Variants in HAUS1 observed in about 807,000 individuals in gnomAD.
The protein encoded by HAUS1 is HAUS augmin like complex subunit 1, also known as HAUS augmin-like complex subunit 1.
HAUS1 carries 25 observed loss-of-function variants against 38.6 expected under a neutral mutation model. That is an observed-to-expected ratio of 0.65 (90% CI 0.47 to 0.91). The LOEUF (loss-of-function observed/expected upper bound fraction) is 0.91. HAUS1 is among the 40% of genes least tolerant of loss of function. The probability of loss-of-function intolerance (pLI) is 0.00; values close to 1 mark genes in which losing one functional copy is unlikely to be tolerated. For synonymous variants in HAUS1, 109 were observed against 112.9 expected, an observed-to-expected ratio of 0.97 and a Z score of 0.22; for missense variants, 325 against 328.4, an observed-to-expected ratio of 0.99 and a Z score of 0.08.
At chr18:46,123,420 T>C in intron 6 of HAUS1, 56 bp downstream of exon 6, 1 of 1,176,550 alleles carries the variant, frequency 8.5e-7, no homozygotes, top group Non-Finnish European at 1.3e-6. Flanking sequence ...CACAGTCTGC[T>C]TTTTCATTTG....
chr18:46,105,801 G>A (rs1305457537), intron 2 of HAUS1, among the ~76,000 whole-genome samples: 1 of 152,018 alleles, frequency 6.6e-6, no homozygotes, highest in East Asian at 1.9e-4. Context: ...GGCTGGTCTC[G>A]AACTCCTGAC....
chr18:46,109,036 A>C (rs2144245823), intron 2 of HAUS1, among the ~76,000 whole-genome samples: 1 of 148,742 alleles, frequency 6.7e-6, no homozygotes, highest in Non-Finnish European at 1.5e-5. Context: ...GCGCAACTGC[A>C]CTCTAGCCTG....
intron 7 of HAUS1, among the ~76,000 whole-genome samples, 190 bp from the exon 8 acceptor site, chr18:46,125,554 A>AG (rs1912078711): frequency 6.6e-6 from 1 of 151,754 alleles, no homozygotes; most frequent in Non-Finnish European, 1.5e-5. Context: ...CTCAAAAAAA[A>AG]AAAAAAAAGA....
At chr18:46,113,001 T>C (rs1331098950) in intron 2 of HAUS1, among the ~76,000 whole-genome samples, 1 of 124,396 alleles carries the variant, frequency 8.0e-6, no homozygotes. Flanking sequence ...ATATTCCATA[T>C]ATATGGAATA....
At chr18:46,121,526 T>A (rs923233025) in intron 4 of HAUS1, 1 of 151,940 alleles carries the variant, frequency 6.6e-6, no homozygotes, top group Non-Finnish European at 1.5e-5. Context: ...TCACAGTTTA[T>A]TTAGGTTGAA....
At chr18:46,122,818 C>T (rs139970493) in intron 5 of HAUS1, among the ~76,000 whole-genome samples, 25 of 152,254 alleles carry the variant, frequency 1.6e-4, no homozygotes, top group Non-Finnish European at 2.4e-4. Context: ...GTCACAAATG[C>T]GTGAGTGTGG....
intron 2 of HAUS1, among the ~76,000 whole-genome samples, chr18:46,110,690 G>A (rs753239941): frequency 6.6e-6 from 1 of 151,834 alleles, no homozygotes; most frequent in Non-Finnish European, 1.5e-5. Flanking sequence ...CCTAGGCTGT[G>A]CCTTCATTTT....
At position 46,112,986 on chromosome 18, in the gene HAUS1, A is replaced by AATATATATTCCATATATATGGAAT. The variant is rs1420813035; in HGVS notation, c.206-5179_206-5156dup. 2.7e-4 allele frequency among the ~76,000 whole-genome samples: 23 copies of AATATATATTCCATATATATGGAAT among 84,414 alleles called. 1 individual carries two copies. Among genetic ancestry groups the AATATATATTCCATATATATGGAAT allele is most frequent in the South Asian group, 3.6e-4 (1 of 2,792 alleles). The allele number at this position is 84,414 out of a possible 152,430, so 55.4% of individuals were successfully genotyped here. On this transcript the variant is annotated intron_variant, in intron 2 of 8. Transcript: ENST00000282058. ...TGTATATATTCCATATTATATATATAATATATATTCCATATATATGGAATA... is the reference window on the plus strand; with the variant it reads ...TGTATATATTCCATATTATATATATAATATATATTCCATATATATGGAATATATATATTCCATATATATGGAATA...
chr18:46,105,413 C>G, intron 2 of HAUS1, 45 bp downstream of exon 2: 1 of 1,535,926 alleles, frequency 6.5e-7, no homozygotes, highest in Non-Finnish European at 8.9e-7. Context: ...ATAGAGGTAA[C>G]CAAATTTTAT....
chr18:46,104,418 C>T lies in HAUS1; in HGVS notation c.7C>T (p.Pro3Ser). 1 of 1,461,296 alleles carries T rather than the reference C, an allele frequency of 6.8e-7. No homozygotes were observed. Among genetic ancestry groups the T allele is most frequent in the Non-Finnish European group, 9.1e-7 (1 of 1,096,220 alleles). The allele number at this position is 1,461,296 out of a possible 1,614,324, so 90.5% of individuals were successfully genotyped here. A position where few individuals can be genotyped will look rare whatever the true frequency, so the allele number is the denominator to read the frequency against. The change falls in exon 1 of 9, where the codon CCG becomes TCG. Residue 3 changes from proline to serine, a missense_variant. Coordinates refer to ENST00000282058, the MANE Select transcript of HAUS1 (RefSeq NM_138443.4). ...AGTGGCGGGAGCCGCAGCTATGGAGCCGCAGGAGGAGAGAGAAACGCAGGT... is the reference window on the plus strand; with the variant it reads ...AGTGGCGGGAGCCGCAGCTATGGAGTCGCAGGAGGAGAGAGAAACGCAGGT... ME[P>S]QEERETQVAA...
intron 8 of HAUS1, among the ~76,000 whole-genome samples, chr18:46,127,583 T>C (rs1331408656): frequency 6.6e-6 from 1 of 151,740 alleles, no homozygotes; most frequent in African/African-American, 2.4e-5. Flanking sequence ...GGTGGGCGCC[T>C]GTAATCTCAG....
chr18:46,121,926 C>G (rs961952808), intron 4 of HAUS1, among the ~76,000 whole-genome samples: 4 of 152,184 alleles, frequency 2.6e-5, no homozygotes, highest in African/African-American at 9.6e-5. Flanking sequence ...ATTGCAACCT[C>G]TGCCTCCCAG....
intron 2 of HAUS1, among the ~76,000 whole-genome samples, chr18:46,110,322 ATTTT>A (rs1389548254): frequency 2.7e-5 from 1 of 36,428 alleles, no homozygotes; most frequent in Non-Finnish European, 5.8e-5. Context: ...TGCCCAGCTT[ATTTT>A]TTTAAGGTTT....
intron 4 of HAUS1, 120 bp from the exon 5 acceptor site, chr18:46,122,347 G>T: frequency 1.1e-6 from 1 of 887,718 alleles, no homozygotes; most frequent in Non-Finnish European, 1.8e-6. Context: ...AGGGGAAGAT[G>T]ACCTGGTTAC....
At chr18:46,125,559 AAAAG>A (rs1912079430) in intron 7 of HAUS1, among the ~76,000 whole-genome samples, 181 bp from the exon 8 acceptor site, 1 of 151,854 alleles carries the variant, frequency 6.6e-6, no homozygotes, top group Non-Finnish European at 1.5e-5. Flanking sequence ...AAAAAAAAAA[AAAAG>A]AAAGAAAATA....
At position 46,128,274 on chromosome 18, in the gene HAUS1, T is replaced by A. The variant is rs1912164616; in HGVS notation, c.*149T>A. The A allele has an allele frequency of 2.1e-6, 1 of 487,350 alleles. No individual in the cohort carries two copies. The highest frequency in any genetic ancestry group is 2.0e-5 in the African/African-American group (1 of 50,012). 30.2% of individuals were successfully genotyped at this position (487,350 alleles called of 1,614,324 possible). ...TAATTGATAGAATATGGTTTCTTAC[T>A]GTGTGTTGCATTTTTGTGCCCAAAT... On this transcript the variant is annotated 3_prime_UTR_variant, in exon 9 of 9. Coordinates refer to ENST00000282058, the MANE Select transcript of HAUS1 (RefSeq NM_138443.4).
Position 46,118,329 on chromosome 18 carries a change from A to C in HAUS1, c.341+13A>C. 6.2e-7 allele frequency: 1 copy of C among 1,612,984 alleles called. No homozygotes were observed. Among genetic ancestry groups the C allele is most frequent in the Non-Finnish European group, 8.5e-7 (1 of 1,179,450 alleles). On this transcript the variant is annotated intron_variant, in intron 3 of 8. Coordinates refer to ENST00000282058, the MANE Select transcript of HAUS1 (RefSeq NM_138443.4). ...CCTCGCTAGCTAGGTAATTCTTATG[A>C]CAGTTTTAATTTCCGCAATCATATC...
chr18:46,118,466 T>G, intron 3 of HAUS1, 150 bp downstream of exon 3: 1 of 658,048 alleles, frequency 1.5e-6, no homozygotes, highest in Admixed American at 3.0e-5. Context: ...GTGAGTATAA[T>G]TAATTTGGAT....
At chr18:46,119,905 A>G (rs1261919430) in intron 3 of HAUS1, 21 bp from the exon 4 acceptor site, 2 of 1,563,884 alleles carry the variant, frequency 1.3e-6, no homozygotes, top group South Asian at 1.2e-5. Flanking sequence ...GCCCATGTAT[A>G]TGACCAGATT....
Sources: allele counts gnomAD v4.1 joint callset (sites outside exome capture counted in the v4.1 genomes callset), GRCh38; gene constraint gnomAD v4.1.1; transcripts MANE v1.5; gene names NCBI Gene and HGNC (gene_info 2026-07-23, HGNC 2026-07-21).